The following CDC14B variants were observed in gnomAD, a reference collection of about 807,000 sequenced individuals.
CDC14B encodes dual specificity protein phosphatase CDC14B.
Under a neutral mutation model 64.2 loss-of-function variants are expected in CDC14B, and 22 were observed. The observed-to-expected ratio is 0.34, with a 90% CI of 0.24 to 0.49. The LOEUF (loss-of-function observed/expected upper bound fraction) is 0.49. Among genes scored for constraint, CDC14B ranks in the 20% least tolerant of loss-of-function variants. The pLI, the probability that CDC14B is intolerant of heterozygous loss-of-function variation, is 0.99. For synonymous variants in CDC14B, 191 were observed against 215.8 expected, an observed-to-expected ratio of 0.89 and a Z score of 1.01; for missense variants, 498 against 629.9, an observed-to-expected ratio of 0.79 and a Z score of 2.24.
intron 1 of CDC14B, among the ~76,000 whole-genome samples, chr9:96,596,281 G>C (rs1396900357): frequency 6.7e-6 from 1 of 149,556 alleles, no homozygotes; most frequent in Non-Finnish European, 1.5e-5. Flanking sequence ...AGAATTGCTT[G>C]AACCCGGGAG....
At chr9:96,563,173 G>A (rs145785425) in intron 3 of CDC14B, among the ~76,000 whole-genome samples, 44 of 152,248 alleles carry the variant, frequency 2.9e-4, no homozygotes, top group Non-Finnish European at 5.7e-4. Flanking sequence ...TATAAGCCAG[G>A]GCAGTGAATA....
At chr9:96,508,383 C>CATT in intron 13 of CDC14B, among the ~76,000 whole-genome samples, 1 of 152,320 alleles carries the variant, frequency 6.6e-6, no homozygotes, top group South Asian at 2.1e-4. Flanking sequence ...AAATGTATGA[C>CATT]TCCCAATTCA....
intron 1 of CDC14B, among the ~76,000 whole-genome samples, chr9:96,616,677 T>C (rs1377150186): frequency 6.6e-6 from 1 of 151,794 alleles, no homozygotes; most frequent in East Asian, 1.9e-4. Context: ...TGAGCCGAGA[T>C]TGAGCCACTG....
intron 4 of CDC14B, among the ~76,000 whole-genome samples, chr9:96,555,280 C>T (rs555947526): frequency 1.3e-5 from 2 of 152,328 alleles, no homozygotes; most frequent in East Asian, 3.9e-4. Context: ...TTAGAACCCT[C>T]GCTCTGGGTA....
rs146854806 is a variant in CDC14B, at chr9:96,520,586, T to C, written c.1343+1920A>G. ...GAAATTTCCTATTTAACAAAAACTT[T>C]TGACTAAGCAGGATTTGTATCCCCT... is the stretch of plus-strand genomic sequence containing the variant. On this transcript the variant is annotated intron_variant, in intron 12 of 13. Transcript: ENST00000375241. Among the ~76,000 whole-genome samples the C allele has an allele frequency of 2.3e-3, 356 of 152,326 alleles. 4 individuals are homozygous for C. The highest frequency in any genetic ancestry group is 8.1e-3 in the African/African-American group (336 of 41,572).
chr9:96,533,230 A>C (rs1159409486), intron 9 of CDC14B, among the ~76,000 whole-genome samples: 1 of 152,180 alleles, frequency 6.6e-6, no homozygotes, highest in Non-Finnish European at 1.5e-5. Flanking sequence ...TGGCCTCCCA[A>C]AGTGCTGGGA....
intron 1 of CDC14B, among the ~76,000 whole-genome samples, chr9:96,586,748 CTCT>C (rs1463857591): frequency 6.6e-6 from 1 of 152,010 alleles, no homozygotes; most frequent in Non-Finnish European, 1.5e-5. Flanking sequence ...TAAAAAGTGG[CTCT>C]TCAAGTCCTA....
intron 9 of CDC14B, among the ~76,000 whole-genome samples, chr9:96,526,822 C>T (rs567210504): frequency 6.6e-6 from 1 of 152,270 alleles, no homozygotes; most frequent in Non-Finnish European, 1.5e-5. Flanking sequence ...TCTCTACCCA[C>T]CAGATGCCCG....
intron 13 of CDC14B, among the ~76,000 whole-genome samples, chr9:96,506,313 A>G (rs1834123701): frequency 1.3e-5 from 2 of 152,208 alleles, no homozygotes; most frequent in African/African-American, 4.8e-5. Context: ...CTTGCCCTCC[A>G]AACAGAAATG....
chr9:96,517,936 C>A (rs1320751147), intron 12 of CDC14B, among the ~76,000 whole-genome samples: 3 of 151,746 alleles, frequency 2.0e-5, no homozygotes, highest in African/African-American at 7.3e-5. Context: ...ACTCCCAAAG[C>A]ACTGGGATTA....
At chr9:96,514,318 T>A in intron 12 of CDC14B, 2 of 578,100 alleles carry the variant, frequency 3.5e-6, no homozygotes, top group Non-Finnish European at 4.4e-6. Flanking sequence ...GAAGAATAAC[T>A]CTATGTAGTG....
At chr9:96,599,858 A>G (rs1311358603) in intron 1 of CDC14B, among the ~76,000 whole-genome samples, 1 of 151,942 alleles carries the variant, frequency 6.6e-6, no homozygotes, top group Non-Finnish European at 1.5e-5. Context: ...CACCCTCCCA[A>G]GTAGCTGGGA....
At chr9:96,594,521 A>T (rs1160546027) in intron 1 of CDC14B, among the ~76,000 whole-genome samples, 1 of 152,036 alleles carries the variant, frequency 6.6e-6, no homozygotes, top group African/African-American at 2.4e-5. Flanking sequence ...GTTTAAGACC[A>T]GCCTAGGCAA....
At chr9:96,555,215 G>C (rs532855020) in intron 4 of CDC14B, among the ~76,000 whole-genome samples, 1 of 152,164 alleles carries the variant, frequency 6.6e-6, no homozygotes, top group Non-Finnish European at 1.5e-5. Context: ...TGGAGTAATA[G>C]GGTGTGATTT....
chr9:96,596,943 A>C (rs1343741538), intron 1 of CDC14B, among the ~76,000 whole-genome samples: 1 of 152,104 alleles, frequency 6.6e-6, no homozygotes, highest in Non-Finnish European at 1.5e-5. Flanking sequence ...TATGTTAAGG[A>C]GAAGGAGGCA....
intron 1 of CDC14B, among the ~76,000 whole-genome samples, chr9:96,597,535 T>G (rs867255487): frequency 2.0e-5 from 3 of 151,050 alleles, no homozygotes; most frequent in Middle Eastern, 3.5e-3. Context: ...AGAAACATCT[T>G]TAAAGTATTC....
chr9:96,570,923 C>A (rs1844427793), intron 1 of CDC14B, among the ~76,000 whole-genome samples: 1 of 152,086 alleles, frequency 6.6e-6, no homozygotes, highest in Non-Finnish European at 1.5e-5. Context: ...CAAAGACTTG[C>A]CCAAATATAA....
At chr9:96,509,628 AAC>A (rs755610899) in intron 13 of CDC14B, 43 bp downstream of exon 13, 4 of 1,215,578 alleles carry the variant, frequency 3.3e-6, no homozygotes, top group Non-Finnish European at 4.9e-6. Context: ...TAAACTGGAA[AAC>A]AAACGCTTGC....
chr9:96,524,842 T>TC (rs1205820490), intron 9 of CDC14B, among the ~76,000 whole-genome samples: 1 of 152,110 alleles, frequency 6.6e-6, no homozygotes, highest in Non-Finnish European at 1.5e-5. Context: ...TTTTAATAAA[T>TC]CTCCTACATA....
Sources: gnomAD v4.1 joint callset for allele counts (sites outside exome capture counted in the v4.1 genomes callset) on GRCh38, gnomAD v4.1.1 for gene constraint, MANE v1.5 for transcripts, NCBI Gene and HGNC (gene_info 2026-07-23, HGNC 2026-07-21) for gene names.